HDX: variants seen among roughly 807,000 people sequenced by gnomAD.
HDX encodes chromosome X open reading frame 43.
A neutral mutation model predicts 45.2 loss-of-function variants in HDX; 19 were observed. The ratio of observed to expected loss-of-function variants is 0.42; its 90% confidence interval spans 0.29 to 0.62. The LOEUF is 0.62. Among genes scored for constraint, HDX ranks in the 20% least tolerant of loss-of-function variants. The pLI is 0.20. For synonymous variants in HDX, 188 were observed against 172.8 expected (o/e 1.09, Z -0.69); for missense variants, 532 against 493.9 (o/e 1.08, Z -0.73).
chrX:84,341,918 A>G (rs946863088), intron 7 of HDX, among the ~76,000 whole-genome samples: 1 of 110,751 alleles, frequency 9.0e-6, no homozygotes, highest in African/African-American at 3.3e-5. Flanking sequence ...TAGGAAAAGC[A>G]TACTGTCCTG....
At chrX:84,430,039 CCTT>C (rs147752508) in intron 5 of HDX, among the ~76,000 whole-genome samples, 42,915 of 108,581 alleles carry the variant, frequency 0.4, 7,002 homozygotes, top group Middle Eastern at 0.55. Flanking sequence ...CATTCAGTAT[CCTT>C]CTTTTAGCTA....
chrX:84,457,722 T>C (rs149334912), intron 4 of HDX, among the ~76,000 whole-genome samples: 9,980 of 111,399 alleles, frequency 0.09, 473 homozygotes, highest in South Asian at 0.28. Flanking sequence ...TCATAAATTA[T>C]GTTTCTTTCT....
At chrX:84,443,640 G>A (rs1405060558) in intron 4 of HDX, among the ~76,000 whole-genome samples, 2 of 111,553 alleles carry the variant, frequency 1.8e-5, no homozygotes, top group African/African-American at 6.5e-5. Context: ...AAATATAACA[G>A]CCCCAATTGA....
intron 5 of HDX, among the ~76,000 whole-genome samples, chrX:84,387,903 T>C (rs1332317988): frequency 8.9e-6 from 1 of 112,126 alleles, no homozygotes; most frequent in African/African-American, 3.2e-5. Flanking sequence ...AGAACCTGTG[T>C]GCTGTGTACT....
intron 5 of HDX, among the ~76,000 whole-genome samples, chrX:84,415,953 T>C (rs1383760823): frequency 3.6e-5 from 4 of 112,263 alleles, no homozygotes; most frequent in Admixed American, 9.4e-5. Context: ...ACAATATTAT[T>C]ACCAGATGGC....
chrX:84,369,870 C>A (rs890761549), intron 5 of HDX, among the ~76,000 whole-genome samples: 1 of 111,964 alleles, frequency 8.9e-6, no homozygotes, highest in Non-Finnish European at 1.9e-5. Context: ...AGAAAGTTAT[C>A]TTTTACATTC....
intron 5 of HDX, among the ~76,000 whole-genome samples, chrX:84,412,545 G>A (rs889398215): frequency 9.0e-6 from 1 of 111,497 alleles, no homozygotes; most frequent in African/African-American, 3.3e-5. Flanking sequence ...TATGCTGTTA[G>A]TCTGGTTGAG....
intron 5 of HDX, among the ~76,000 whole-genome samples, chrX:84,437,206 G>C (rs1308199727): frequency 9.0e-6 from 1 of 111,066 alleles, no homozygotes; most frequent in Non-Finnish European, 1.9e-5. Flanking sequence ...GCTGTAAAAA[G>C]AGACAAAGGC....
chrX:84,339,701 C>T (rs918314778), intron 7 of HDX, among the ~76,000 whole-genome samples: 2 of 111,049 alleles, frequency 1.8e-5, no homozygotes, highest in African/African-American at 6.5e-5. Context: ...CCAGTAAAAA[C>T]TCTAGAGGGC....
At chrX:84,373,793 G>A (rs1479050551) in intron 5 of HDX, among the ~76,000 whole-genome samples, 9 of 111,251 alleles carry the variant, frequency 8.1e-5, no homozygotes, top group Non-Finnish European at 1.5e-4. Flanking sequence ...CAAACCCACA[G>A]CCAATATCAT....
chrX:84,405,844 A>G (rs1000047111), intron 5 of HDX, among the ~76,000 whole-genome samples: 3 of 110,557 alleles, frequency 2.7e-5, no homozygotes, highest in Non-Finnish European at 5.7e-5. Context: ...CAACAGCAAT[A>G]TATAACATTA....
chrX:84,457,882 C>T (rs1023082752), intron 4 of HDX, among the ~76,000 whole-genome samples: 3 of 111,608 alleles, frequency 2.7e-5, no homozygotes, highest in African/African-American at 6.5e-5. Flanking sequence ...GTTTCTTGAT[C>T]ATAAGAAAAA....
chrX:84,421,548 CAA>C (rs55943150), intron 5 of HDX, among the ~76,000 whole-genome samples: 11,996 of 107,837 alleles, frequency 0.11, 618 homozygotes, highest in South Asian at 0.27. Context: ...GTAGTGTGGA[CAA>C]AGTGAGTCCT....
At chrX:84,375,040 A>G (rs2038012721) in intron 5 of HDX, among the ~76,000 whole-genome samples, 3 of 105,375 alleles carry the variant, frequency 2.8e-5, no homozygotes, top group African/African-American at 1.0e-4. Context: ...ACTCAAACAA[A>G]TTTACAAGAA....
intron 4 of HDX, among the ~76,000 whole-genome samples, chrX:84,445,651 AT>A (rs1302985251): frequency 9.2e-6 from 1 of 109,037 alleles, no homozygotes; most frequent in African/African-American, 3.5e-5. Flanking sequence ...ATTGAGAACA[AT>A]GTGTTCTGGA....
intron 5 of HDX, chrX:84,440,052 TTC>T (rs2038221348): frequency 9.0e-6 from 1 of 111,635 alleles, no homozygotes; most frequent in African/African-American, 3.2e-5. Context: ...TTTACTGAAG[TTC>T]TGTTATACTG....
At chrX:84,334,950 A>G (rs1174589078) in intron 8 of HDX, among the ~76,000 whole-genome samples, 1 of 111,014 alleles carries the variant, frequency 9.0e-6, no homozygotes, top group Non-Finnish European at 1.9e-5. Context: ...ATATATGAAC[A>G]CACATACATA....
chrX:84,380,725 T>C (rs1416051550), intron 5 of HDX, among the ~76,000 whole-genome samples: 1 of 110,696 alleles, frequency 9.0e-6, no homozygotes, highest in Non-Finnish European at 1.9e-5. Context: ...AGAAGAAACA[T>C]ACCTCAACAT....
At chrX:84,369,314 C>A (rs913712986) in intron 5 of HDX, among the ~76,000 whole-genome samples, 1 of 111,826 alleles carries the variant, frequency 8.9e-6, no homozygotes, top group Non-Finnish European at 1.9e-5. Flanking sequence ...TTCATACATT[C>A]ATTCATTGAT....
Sources: allele counts gnomAD v4.1 joint callset (sites outside exome capture counted in the v4.1 genomes callset), GRCh38; gene constraint gnomAD v4.1.1; transcripts MANE v1.5; gene names NCBI Gene and HGNC (gene_info 2026-07-23, HGNC 2026-07-21).